The following FOXP1 variants were observed in gnomAD, a reference collection of about 807,000 sequenced individuals.
FOXP1 encodes forkhead box protein P1.
Under a neutral mutation model 98.2 loss-of-function variants are expected in FOXP1, and 15 were observed. The observed-to-expected ratio is 0.15, with a 90% confidence interval of 0.10 to 0.24. FOXP1 has a LOEUF of 0.24. Among genes scored for constraint, FOXP1 ranks in the 10% least tolerant of loss-of-function variants. The pLI is 1.00. For synonymous variants in FOXP1, 371 were observed against 314.5 expected (o/e 1.18, Z -1.90); for missense variants, 633 against 848.5 (o/e 0.75, Z 3.15).
chr3:71,135,153 G>A (rs950997993), intron 6 of FOXP1, among the ~76,000 whole-genome samples: 9 of 142,880 alleles, frequency 6.3e-5, no homozygotes, highest in Admixed American at 3.5e-4. Context: ...CAGCTGCTCG[G>A]GAGGCTAAGG....
intron 6 of FOXP1, among the ~76,000 whole-genome samples, chr3:71,132,826 A>C (rs932519124): frequency 3.9e-5 from 6 of 152,186 alleles, no homozygotes; most frequent in Non-Finnish European, 7.4e-5. Flanking sequence ...AAACAACACA[A>C]ACAAACAAAG....
chr3:71,496,959 GA>G (rs1170750295), intron 2 of FOXP1, among the ~76,000 whole-genome samples: 8 of 94,434 alleles, frequency 8.5e-5, no homozygotes, highest in South Asian at 8.1e-4. Flanking sequence ...GTGGTGTGTG[GA>G]AGTGTGTGTG....
chr3:71,032,345 T>C (rs2046986924), intron 11 of FOXP1, among the ~76,000 whole-genome samples: 2 of 152,222 alleles, frequency 1.3e-5, no homozygotes, highest in African/African-American at 2.4e-5. Context: ...AAAGGAAAAT[T>C]ACAGTTAAGA....
At chr3:71,026,177 A>G (rs1210894132) in intron 11 of FOXP1, among the ~76,000 whole-genome samples, 2 of 152,218 alleles carry the variant, frequency 1.3e-5, no homozygotes, top group Non-Finnish European at 2.9e-5. Context: ...GGACTAAAAT[A>G]TATCTAGTGT....
chr3:71,387,135 C>T (rs1223783863), intron 3 of FOXP1, among the ~76,000 whole-genome samples: 6 of 152,194 alleles, frequency 3.9e-5, no homozygotes, highest in Admixed American at 6.5e-5. Context: ...AGCTGAAATG[C>T]TTCATGACGG....
chr3:71,400,485 G>A (rs570889039), intron 3 of FOXP1, among the ~76,000 whole-genome samples: 2 of 152,154 alleles, frequency 1.3e-5, no homozygotes, highest in South Asian at 4.2e-4. Flanking sequence ...AGCCTCCTGA[G>A]TAGCTGGGAT....
intron 3 of FOXP1, among the ~76,000 whole-genome samples, chr3:71,381,728 G>A (rs1167749997): frequency 6.6e-6 from 1 of 152,084 alleles, no homozygotes; most frequent in African/African-American, 2.4e-5. Flanking sequence ...ATAAGCATGG[G>A]CCATCATGCC....
chr3:71,541,029 T>C (rs1560630271), intron 2 of FOXP1, among the ~76,000 whole-genome samples: 1 of 152,220 alleles, frequency 6.6e-6, no homozygotes, highest in African/African-American at 2.4e-5. Flanking sequence ...ACTGAGGCAA[T>C]GCTGGCTTTG....
intron 3 of FOXP1, among the ~76,000 whole-genome samples, chr3:71,370,887 C>T (rs1170586854): frequency 6.6e-5 from 10 of 151,358 alleles, no homozygotes; most frequent in Admixed American, 3.3e-4. Flanking sequence ...CTGCAACCTC[C>T]ACCTCCCGGG....
At chr3:70,980,312 T>TG (rs2038607293) in intron 14 of FOXP1, among the ~76,000 whole-genome samples, 1 of 152,210 alleles carries the variant, frequency 6.6e-6, no homozygotes, top group Non-Finnish European at 1.5e-5. Context: ...GAAAGGCTAA[T>TG]GCTCATAAAT....
At chr3:70,970,552 A>C (rs1046177501) in intron 19 of FOXP1, 184 bp downstream of exon 19, 5 of 623,802 alleles carry the variant, frequency 8.0e-6, no homozygotes, top group Admixed American at 2.7e-5. Flanking sequence ...AATGCTAAGC[A>C]TCCCGCTAAC....
intron 11 of FOXP1, among the ~76,000 whole-genome samples, chr3:71,035,513 A>G (rs2047458573): frequency 6.6e-6 from 1 of 152,172 alleles, no homozygotes; most frequent in Admixed American, 6.5e-5. Flanking sequence ...TCCCAATAAA[A>G]CTTTATTTAC....
chr3:71,133,740 C>T lies in FOXP1; in HGVS notation c.181-21103G>A, dbSNP rs1308131024. Among the ~76,000 whole-genome samples the T allele has an allele frequency of 2.0e-5, 3 of 152,094 alleles. No individual in the cohort carries two copies. The South Asian group carries it at 6.2e-4, about 32-fold the overall frequency. On this transcript the variant is annotated intron_variant, in intron 6 of 20. Transcript: ENST00000649528. ...GTTCTAAAAGGCAACATCCTAAATA[C>T]CAAGGTTATTTGCTTGACTCTTGGA...
At chr3:71,467,123 T>A (rs2088844829) in intron 3 of FOXP1, among the ~76,000 whole-genome samples, 4 of 152,194 alleles carry the variant, frequency 2.6e-5, no homozygotes. Flanking sequence ...TGTGTGTACG[T>A]GTGTGTGTAT....
intron 3 of FOXP1, among the ~76,000 whole-genome samples, chr3:71,434,813 A>T (rs1186303137): frequency 6.6e-6 from 1 of 152,168 alleles, no homozygotes; most frequent in African/African-American, 2.4e-5. Context: ...GGTAGTAAGA[A>T]GATGAACATT....
chr3:71,324,151 A>T lies in FOXP1; in HGVS notation c.-72-24271T>A, dbSNP rs145356981. 4.2e-3 allele frequency among the ~76,000 whole-genome samples: 643 copies of T among 152,276 alleles called. 12 individuals carry two copies. The highest frequency in any genetic ancestry group is 0.03 in the East Asian group (155 of 5,182). ...TATTATTCAGAAAATATAGATTCCC[A>T]AAATTAGATACATATATTTCCTTTT... On this transcript the variant is annotated intron_variant, in intron 4 of 20. Coordinates refer to ENST00000649528, the MANE Select transcript of FOXP1 (RefSeq NM_001349338.3).
At chr3:71,291,675 G>T (rs1002205586) in intron 5 of FOXP1, among the ~76,000 whole-genome samples, 63 of 149,626 alleles carry the variant, frequency 4.2e-4, no homozygotes, top group Middle Eastern at 3.2e-3. Context: ...GACATATTCT[G>T]ATTTTTTTAT....
intron 3 of FOXP1, among the ~76,000 whole-genome samples, chr3:71,391,695 G>T (rs929673287): frequency 6.6e-6 from 1 of 152,182 alleles, no homozygotes; most frequent in African/African-American, 2.4e-5. Context: ...CTCAGCATTG[G>T]GCAGCTGATG....
intron 2 of FOXP1, among the ~76,000 whole-genome samples, chr3:71,549,979 T>C (rs533211067): frequency 6.6e-5 from 10 of 152,258 alleles, no homozygotes; most frequent in African/African-American, 2.2e-4. Context: ...CAAAAAATTT[T>C]TTTTCAAAGA....
Sources: gnomAD v4.1 joint callset for allele counts (sites outside exome capture counted in the v4.1 genomes callset) on GRCh38, gnomAD v4.1.1 for gene constraint, MANE v1.5 for transcripts, NCBI Gene and HGNC (gene_info 2026-07-23, HGNC 2026-07-21) for gene names.